Variants in TSPEAR observed in about 807,000 individuals in gnomAD.
TSPEAR encodes the protein thrombospondin-type laminin G domain and EAR repeat-containing protein.
TSPEAR carries 69 observed loss-of-function variants against 71.6 expected under a neutral mutation model. That is an observed-to-expected ratio of 0.96 (90% CI 0.79 to 1.18). The LOEUF is 1.18. Ranked by LOEUF, TSPEAR falls within the 50% of genes most tolerant of loss-of-function variation. The probability of loss-of-function intolerance (pLI) is 0.00; values close to 1 mark genes in which losing one functional copy is unlikely to be tolerated. For missense variants in TSPEAR, 971 were observed against 894.9 expected (o/e 1.09, Z -1.09); for synonymous variants, 402 against 387.2 (o/e 1.04, Z -0.45).
intron 1 of TSPEAR, among the ~76,000 whole-genome samples, chr21:44,588,728 G>A (rs942287594): frequency 5.4e-4 from 72 of 132,650 alleles, no homozygotes; most frequent in African/African-American, 2.1e-3. Context: ...ATATGTGTGT[G>A]TATATATGTA....
chr21:44,567,926 G>T lies in TSPEAR; in HGVS notation c.162C>A (p.His54Gln), dbSNP rs373833886. ...CTGAGAGCTGGAGTCCCCGTGCACC[G>T]TGAACCTGAACTATCCTGATCCCGC... ...ATSGIRIVQVHGARGLQLSVA... is the reference protein window; with the variant it reads ...ATSGIRIVQVQGARGLQLSVA... Residue 54 changes from histidine to glutamine, a missense_variant, in exon 2 of 12, where the codon CAC (histidine) becomes CAA (glutamine). Coordinates refer to ENST00000323084, the MANE Select transcript of TSPEAR (RefSeq NM_144991.3). 6.2e-7 allele frequency: 1 copy of T among 1,603,694 alleles called. No homozygotes were observed. Among genetic ancestry groups the T allele is most frequent in the East Asian group, 2.2e-5 (1 of 44,612 alleles).
intron 1 of TSPEAR, among the ~76,000 whole-genome samples, chr21:44,699,547 C>A (rs1184543295): frequency 1.3e-5 from 2 of 152,222 alleles, no homozygotes; most frequent in African/African-American, 4.8e-5. Flanking sequence ...TCTTCTCTTC[C>A]CTCTTCCCAC....
Position 44,601,692 on chromosome 21 carries a change from G to C in TSPEAR, c.83-33687C>G, listed in dbSNP as rs370092. On this transcript the variant is annotated intron_variant, in intron 1 of 11. Transcript: ENST00000323084. ...TTTGCCGCCCCGCATGCTCCCGCCC[G>C]GCCTGCTGTGGCCCCACCTCAACCC... The C allele has an allele frequency of 8.1e-6, 13 of 1,612,284 alleles. No individual in the cohort carries two copies. The Admixed American group carries it at 2.0e-4, about 25-fold the overall frequency.
chr21:44,524,119 ATAGTCAGTCAGTCAGTGAGG>A (rs1188578652), intron 8 of TSPEAR, among the ~76,000 whole-genome samples: 6 of 148,566 alleles, frequency 4.0e-5, no homozygotes, highest in Non-Finnish European at 9.0e-5. Flanking sequence ...AGTCAGTCAG[ATAGTCAGTCAGTCAGTGAGG>A]TAGTCAGTCA....
At chr21:44,607,247 T>C (rs1601479832) in intron 1 of TSPEAR, among the ~76,000 whole-genome samples, 2 of 152,256 alleles carry the variant, frequency 1.3e-5, no homozygotes, top group Admixed American at 1.3e-4. Context: ...ACCCAACTAA[T>C]TTTTGTATTT....
chr21:44,524,738 C>CAGTCAATCAGTCAGTAAGGT (rs1368121707), intron 8 of TSPEAR, among the ~76,000 whole-genome samples: 1 of 150,830 alleles, frequency 6.6e-6, no homozygotes, highest in African/African-American at 2.5e-5. Flanking sequence ...GTGAGACAGT[C>CAGTCAATCAGTCAGTAAGGT]AGTCAATCAG....
Position 44,574,325 on chromosome 21 carries a change from G to A in TSPEAR, c.83-6320C>T, listed in dbSNP as rs368866407. 6.5e-5 allele frequency: 105 copies of A among 1,608,762 alleles called. No homozygotes were observed. In the African/African-American group the frequency reaches 7.1e-4, roughly 11 times the overall value. ...GTGTGTCCAGCCCCTGCTGCCAGGC[G>A]GTCTGTGAGCCCAGCCCCTGCCAAT... is the stretch of plus-strand genomic sequence containing the variant. On this transcript the variant is annotated intron_variant, in intron 1 of 11. Transcript: ENST00000323084.
intron 1 of TSPEAR, among the ~76,000 whole-genome samples, chr21:44,573,093 T>C (rs1978289931): frequency 6.6e-6 from 1 of 152,132 alleles, no homozygotes; most frequent in Admixed American, 6.5e-5. Flanking sequence ...ATTTCTGTTG[T>C]GTGACCAGCC....
At chr21:44,579,726 C>T (rs1555924526) in intron 1 of TSPEAR, 2 of 1,589,674 alleles carry the variant, frequency 1.3e-6, no homozygotes, top group Non-Finnish European at 8.6e-7. Context: ...GGGGGATGTG[C>T]ACATCAGCAA....
intron 1 of TSPEAR, chr21:44,646,709 G>T: frequency 6.2e-7 from 1 of 1,614,142 alleles, no homozygotes; most frequent in Non-Finnish European, 8.5e-7. Context: ...CAGCAGTCTA[G>T]CTGCCAGCCG....
rs782370454 is a variant in TSPEAR at position 44,654,476 on chromosome 21, G to A, written c.82+56957C>T. 49 of 1,613,828 alleles carry A rather than the reference G, an allele frequency of 3.0e-5. 1 individual carries two copies. Among genetic ancestry groups the A allele is most frequent in the Non-Finnish European group, 3.7e-5 (44 of 1,179,922 alleles). ...CAGGTGGATACCCCACACAGGGGCCGGCACAGCAGAGCCACACAGGGGGCT... is the reference window on the plus strand; with the variant it reads ...CAGGTGGATACCCCACACAGGGGCCAGCACAGCAGAGCCACACAGGGGGCT... On this transcript the variant is annotated intron_variant, in intron 1 of 11. Transcript: ENST00000323084.
At chr21:44,577,700 A>G (rs1238650932) in intron 1 of TSPEAR, among the ~76,000 whole-genome samples, 1 of 152,250 alleles carries the variant, frequency 6.6e-6, no homozygotes, top group Non-Finnish European at 1.5e-5. Context: ...CATATCCACC[A>G]TATCACCTAC....
chr21:44,574,091 G>A (rs1978304174), intron 1 of TSPEAR: 2 of 1,609,086 alleles, frequency 1.2e-6, no homozygotes, highest in South Asian at 2.2e-5. Context: ...CCTGCTGCGT[G>A]CCCGTCTGCT....
At chr21:44,708,047 C>CACG (rs1988029587) in intron 1 of TSPEAR, among the ~76,000 whole-genome samples, 1 of 141,964 alleles carries the variant, frequency 7.0e-6, no homozygotes, top group African/African-American at 2.7e-5. Context: ...ACACACACAC[C>CACG]ACACAGCACG....
At chr21:44,571,241 G>T (rs782296609) in intron 1 of TSPEAR, among the ~76,000 whole-genome samples, 3 of 152,156 alleles carry the variant, frequency 2.0e-5, no homozygotes, top group Non-Finnish European at 4.4e-5. Flanking sequence ...GTAGAGATGG[G>T]GTCTGGCTAT....
intron 1 of TSPEAR, among the ~76,000 whole-genome samples, chr21:44,636,149 T>C (rs73907095): frequency 6.6e-6 from 1 of 152,200 alleles, no homozygotes; most frequent in Non-Finnish European, 1.5e-5. Flanking sequence ...GTGTACCCAA[T>C]GATTCCTTCA....
chr21:44,571,013 C>T (rs1371184549), intron 1 of TSPEAR, among the ~76,000 whole-genome samples: 5 of 152,148 alleles, frequency 3.3e-5, no homozygotes, highest in Non-Finnish European at 7.4e-5. Flanking sequence ...CTACAGTTTC[C>T]TGGAAAATAC....
At chr21:44,534,525 G>T (rs2053054837) in intron 2 of TSPEAR, among the ~76,000 whole-genome samples, 2 of 151,874 alleles carry the variant, frequency 1.3e-5, no homozygotes, top group African/African-American at 4.8e-5. Context: ...TGGGCCAGGG[G>T]CAAGGCTGGC....
chr21:44,638,059 C>A (rs1983771178), intron 1 of TSPEAR: 1 of 1,613,214 alleles, frequency 6.2e-7, no homozygotes, highest in African/African-American at 1.3e-5. Flanking sequence ...CCTCTGCCTC[C>A]TCCTGCCAGC....
Sources: allele counts gnomAD v4.1 joint callset (sites outside exome capture counted in the v4.1 genomes callset), GRCh38; gene constraint gnomAD v4.1.1; transcripts MANE v1.5; gene names NCBI Gene and HGNC (gene_info 2026-07-23, HGNC 2026-07-21).